WDR64: variants seen among roughly 807,000 people sequenced by gnomAD.
WDR64 encodes the protein WD repeat domain 64.
A neutral mutation model predicts 139.3 loss-of-function variants in WDR64; 112 were observed. The observed-to-expected ratio is 0.80, with a 90% CI of 0.69 to 0.94. WDR64 has a LOEUF of 0.94. Among genes scored for constraint, WDR64 ranks in the 40% least tolerant of loss-of-function variants. The pLI, the probability that WDR64 is intolerant of heterozygous loss-of-function variation, is 0.00. For synonymous variants in WDR64, 444 were observed against 437.7 expected (o/e 1.01, Z -0.18); for missense variants, 1,206 against 1,293.1 (o/e 0.93, Z 1.03).
At chr1:241,744,372 T>G in intron 12 of WDR64, 21 bp from the exon 13 acceptor site, 1 of 1,612,648 alleles carries the variant, frequency 6.2e-7, no homozygotes, top group East Asian at 2.2e-5. Flanking sequence ...GATTACTTGA[T>G]ATTTTCGTTC....
At chr1:241,722,923 T>A (rs1337878444) in intron 9 of WDR64, among the ~76,000 whole-genome samples, 4 of 152,204 alleles carry the variant, frequency 2.6e-5, no homozygotes, top group African/African-American at 9.7e-5. Flanking sequence ...ATTATTATAA[T>A]GTTTGCATAA....
rs75121958 is a variant in WDR64, at chr1:241,787,887, T to C, written c.2744T>C (p.Phe915Ser). Reference sequence around the variant, plus strand: ...CTCAATGGACATTATTGTGGATATTTTGGACAGCGAAGGCTCTTTGAATTA... The same window carrying C: ...CTCAATGGACATTATTGTGGATATTCTGGACAGCGAAGGCTCTTTGAATTA... ...HALNGHYCGY[F>S]GQRRLFELSQ... The change falls in exon 24 of 28, where the codon TTT (phenylalanine) becomes TCT (serine). Residue 915 changes from phenylalanine (F) to serine (S), a missense_variant. Physicochemically the swap from Phe to Ser is radical, Grantham distance 155. Transcript: ENST00000437684. The C allele has an allele frequency of 3.6e-4, 578 of 1,609,020 alleles. 3 individuals are homozygous for C. The East Asian group carries it at 0.011, about 32-fold the overall frequency.
intron 23 of WDR64, among the ~76,000 whole-genome samples, chr1:241,787,238 C>T (rs1161404620): frequency 6.6e-6 from 1 of 151,458 alleles, no homozygotes; most frequent in Non-Finnish European, 1.5e-5. Context: ...GTGGTGGACG[C>T]CTGTAGTCCC....
chr1:241,793,282 G>T (rs1321600243), intron 25 of WDR64, among the ~76,000 whole-genome samples: 1 of 152,192 alleles, frequency 6.6e-6, no homozygotes, highest in South Asian at 2.1e-4. Flanking sequence ...TATGTCTGAG[G>T]GTAGATGAGC....
At chr1:241,715,218 G>A (rs1668357255) in intron 9 of WDR64, among the ~76,000 whole-genome samples, 1 of 152,164 alleles carries the variant, frequency 6.6e-6, no homozygotes, top group Non-Finnish European at 1.5e-5. Flanking sequence ...AGGAATCCAA[G>A]TCTCTCAACC....
intron 14 of WDR64, among the ~76,000 whole-genome samples, chr1:241,752,829 C>T (rs552648939): frequency 1.1e-3 from 167 of 152,146 alleles, no homozygotes; most frequent in African/African-American, 3.8e-3. Context: ...CCAGCCTGGG[C>T]GACAGAGCAA....
In WDR64 at chr1:241,772,983, G is replaced by A. The variant is rs895148164; in HGVS notation, c.2430+52G>A. The stretch of plus-strand genomic sequence containing the variant: ...TAGGAAAGAATGGGAAAGATAAAAA[G>A]AATCATTAAATGAATCTTAGTGTTC... On this transcript the variant is annotated intron_variant, in intron 20 of 27. Transcript: ENST00000437684. The A allele has an allele frequency of 8.0e-6, 12 of 1,507,332 alleles. No individual in the cohort carries two copies. The African/African-American group carries it at 1.7e-4, about 21-fold the overall frequency. 93.4% of individuals were successfully genotyped at this position (1,507,332 alleles called of 1,614,324 possible).
intron 13 of WDR64, among the ~76,000 whole-genome samples, chr1:241,747,248 T>C (rs6429300): frequency 0.79 from 119,893 of 152,134 alleles, 47,677 homozygotes; most frequent in African/African-American, 0.86. Context: ...AATTTATACA[T>C]ACGGTAAAAT....
chr1:241,681,144 T>TG (rs1268547395), intron 6 of WDR64, among the ~76,000 whole-genome samples: 2 of 152,104 alleles, frequency 1.3e-5, no homozygotes, highest in Non-Finnish European at 2.9e-5. Context: ...TCCATAGGTT[T>TG]GGGGGGAACA....
intron 8 of WDR64, among the ~76,000 whole-genome samples, chr1:241,701,278 G>GCA (rs71797604): frequency 0.02 from 3,064 of 150,976 alleles, 98 homozygotes; most frequent in African/African-American, 0.069. Flanking sequence ...GCACATGCGC[G>GCA]CACACACACA....
intron 25 of WDR64, among the ~76,000 whole-genome samples, chr1:241,793,356 T>C (rs1659261514): frequency 6.6e-6 from 1 of 152,168 alleles, no homozygotes; most frequent in Admixed American, 6.5e-5. Context: ...TTCCAGTTTG[T>C]AAAACACGGC....
intron 2 of WDR64, among the ~76,000 whole-genome samples, chr1:241,661,512 T>A (rs1333182852): frequency 6.6e-6 from 1 of 152,146 alleles, no homozygotes; most frequent in African/African-American, 2.4e-5. Flanking sequence ...GTTGTATGCA[T>A]GTTTCTATAA....
intron 11 of WDR64, among the ~76,000 whole-genome samples, chr1:241,739,797 C>G (rs530435633): frequency 6.6e-6 from 1 of 152,312 alleles, no homozygotes; most frequent in South Asian, 2.1e-4. Flanking sequence ...TGTTCAATCA[C>G]CAAAACTGCA....
At chr1:241,666,867 G>A (rs1442499523) in intron 2 of WDR64, among the ~76,000 whole-genome samples, 1 of 152,172 alleles carries the variant, frequency 6.6e-6, no homozygotes, top group Non-Finnish European at 1.5e-5. Context: ...ACACGGGAAA[G>A]ACTCAAGTAC....
rs544444205 is a variant in WDR64, at chr1:241,677,685, T to C, written c.484-502T>C. 1.2e-4 allele frequency among the ~76,000 whole-genome samples: 19 copies of C among 152,322 alleles called. No individual in the cohort carries two copies. In the South Asian group the frequency reaches 2.9e-3, roughly 23 times the overall value. ...GCATGATATTCACTCAATAGGTGCT[T>C]ACTGAATAAAAGAGGAGGCCCACTG... On this transcript the variant is annotated intron_variant, in intron 4 of 27. Transcript: ENST00000437684.
chr1:241,782,997 A>C (rs983528350), intron 22 of WDR64, among the ~76,000 whole-genome samples: 1 of 152,220 alleles, frequency 6.6e-6, no homozygotes. Flanking sequence ...CAATTAAATG[A>C]ATCGCTAATT....
At chr1:241,684,096 T>G (rs1468661186) in intron 7 of WDR64, among the ~76,000 whole-genome samples, 1 of 152,102 alleles carries the variant, frequency 6.6e-6, no homozygotes, top group Non-Finnish European at 1.5e-5. Flanking sequence ...ATAAAAGCAA[T>G]GGATATAGAA....
intron 8 of WDR64, among the ~76,000 whole-genome samples, chr1:241,700,199 G>T (rs546721207): frequency 6.8e-6 from 1 of 147,476 alleles, no homozygotes; most frequent in Non-Finnish European, 1.5e-5. Context: ...TATTTATTGC[G>T]TACCTATTTT....
chr1:241,772,609 CCCA>C (rs775198695), intron 19 of WDR64, among the ~76,000 whole-genome samples, 180 bp from the exon 20 acceptor site: 6 of 151,336 alleles, frequency 4.0e-5, no homozygotes, highest in Non-Finnish European at 2.9e-5. Context: ...ATTACAGGCG[CCCA>C]CCACCACACC....
Sources: allele counts gnomAD v4.1 joint callset (sites outside exome capture counted in the v4.1 genomes callset), GRCh38; gene constraint gnomAD v4.1.1; transcripts MANE v1.5; gene names NCBI Gene and HGNC (gene_info 2026-07-23, HGNC 2026-07-21).